Variants in DDX42 observed in about 807,000 individuals in gnomAD.
The protein encoded by DDX42 is DEAD-box helicase 42.
A neutral mutation model predicts 101.5 loss-of-function variants in DDX42; 22 were observed. That is an observed-to-expected ratio of 0.22 (90% CI 0.15 to 0.31). The LOEUF (loss-of-function observed/expected upper bound fraction) is 0.31, where lower values mean the gene tolerates loss of function less well. Ranked by LOEUF, DDX42 falls within the 10% of genes least tolerant of loss-of-function variation. DDX42 has a pLI of 1.00. For missense variants in DDX42, 849 were observed against 1,199.9 expected (o/e 0.71, Z 4.32); for synonymous variants, 402 against 401.2 (o/e 1.00, Z -0.02).
At chr17:63,800,313 C>A in intron 5 of DDX42, 155 bp from the exon 6 acceptor site, 1 of 593,688 alleles carries the variant, frequency 1.7e-6, no homozygotes, top group Non-Finnish European at 2.9e-6. Flanking sequence ...CTGAATATTG[C>A]TATTATTAAA....
rs528012681 is a variant in DDX42 at position 63,818,690 on chromosome 17, A to G, written c.*292A>G. The G allele has an allele frequency of 1.7e-5, 6 of 343,554 alleles. No homozygotes were observed. Among genetic ancestry groups the G allele is most frequent in the East Asian group, 5.3e-5 (1 of 18,974 alleles). 21.3% of individuals were successfully genotyped at this position (343,554 alleles called of 1,614,324 possible). A position where few individuals can be genotyped will look rare whatever the true frequency, so the allele number is the denominator to read the frequency against. The stretch of plus-strand genomic sequence containing the variant: ...GGGATAAAGGGTCTTCTAGGGCACA[A>G]AACTCACTCTAGGTTTATATTGTAT... On this transcript the variant is annotated 3_prime_UTR_variant, in exon 18 of 18. Coordinates refer to ENST00000389924, the MANE Select transcript of DDX42 (RefSeq NM_203499.3).
Position 63,807,761 on chromosome 17 carries a change from G to C in DDX42, c.884G>C (p.Gly295Ala). Residue 295 changes from glycine (G) to alanine (A), a missense_variant, in exon 9 of 18, where the codon GGT becomes GCT. This residue lies in a region of DDX42 where 370 missense variants were observed against 608.8 expected (regional missense o/e 0.61). Transcript: ENST00000389924. ...GCATTAAGTGGTAGAGACATGATTG[G>C]TATTGCCAAAACAGGTAGTGGGAAA... Reference protein sequence around the residue: ...PVALSGRDMIGIAKTGSGKTA... With the variant: ...PVALSGRDMIAIAKTGSGKTA... 1 of 1,613,912 alleles carries C rather than the reference G, an allele frequency of 6.2e-7. No individual in the cohort carries two copies. The highest frequency in any genetic ancestry group is 8.5e-7 in the Non-Finnish European group (1 of 1,179,928).
At chr17:63,780,168 T>TG (rs1413656481) in intron 1 of DDX42, among the ~76,000 whole-genome samples, 2 of 152,130 alleles carry the variant, frequency 1.3e-5, no homozygotes, top group Non-Finnish European at 2.9e-5. Flanking sequence ...TGGTGGCACA[T>TG]GCCTGTAATT....
chr17:63,791,491 A>G (rs2039626959), intron 2 of DDX42, among the ~76,000 whole-genome samples: 1 of 151,998 alleles, frequency 6.6e-6, no homozygotes, highest in Non-Finnish European at 1.5e-5. Flanking sequence ...TTGTATTTTT[A>G]GTAGACACAG....
In DDX42 at chr17:63,810,404, T is replaced by C. The variant is rs2039895611; in HGVS notation, c.1253-109T>C. ...CTGTGCCTGGCCTGGGGTTTCTAATTTTCTTAATTCTTACAACTTCTTATG... is the reference window on the plus strand; with the variant it reads ...CTGTGCCTGGCCTGGGGTTTCTAATCTTCTTAATTCTTACAACTTCTTATG... On this transcript the variant is annotated intron_variant, in intron 11 of 17. Transcript: ENST00000389924. 2.5e-6 allele frequency: 3 copies of C among 1,193,034 alleles called. No homozygotes were observed. The East Asian group carries it at 7.7e-5, about 30-fold the overall frequency. 73.9% of individuals were successfully genotyped at this position (1,193,034 alleles called of 1,614,324 possible). A position where few individuals can be genotyped will look rare whatever the true frequency, so the allele number is the denominator to read the frequency against.
intron 3 of DDX42, among the ~76,000 whole-genome samples, chr17:63,795,996 G>A (rs1334342823): frequency 6.6e-6 from 1 of 152,160 alleles, no homozygotes; most frequent in African/African-American, 2.4e-5. Context: ...CGTGTGTCTT[G>A]CAGCATAGTA....
At chr17:63,808,973 G>A (rs145399360) in intron 10 of DDX42, 25 bp downstream of exon 10, 4 of 1,606,944 alleles carry the variant, frequency 2.5e-6, no homozygotes, top group Middle Eastern at 1.7e-4. Context: ...TGTTTAAATG[G>A]CTTCTCAGCC....
chr17:63,815,902 T>G (rs993005231), intron 16 of DDX42: 1 of 269,826 alleles, frequency 3.7e-6, no homozygotes, highest in Non-Finnish European at 7.0e-6. Context: ...AGGAAATTAT[T>G]CTAGATTAGC....
At chr17:63,808,740 G>GT in intron 9 of DDX42, 80 bp from the exon 10 acceptor site, 1 of 1,565,048 alleles carries the variant, frequency 6.4e-7, no homozygotes, top group South Asian at 1.2e-5. Context: ...ATCACATTCT[G>GT]TTTTTCAGAA....
At chr17:63,812,309 C>T in intron 14 of DDX42, 101 bp downstream of exon 14, 3 of 1,442,360 alleles carry the variant, frequency 2.1e-6, no homozygotes, top group South Asian at 1.4e-5. Context: ...GATGGAAAGA[C>T]TGTTGGCCTG....
chr17:63,776,150 G>A (rs1267713519), intron 1 of DDX42: 1 of 152,182 alleles, frequency 6.6e-6, no homozygotes, highest in Non-Finnish European at 1.5e-5. Flanking sequence ...AAGTAATGTG[G>A]CTTATATAAT....
Position 63,810,637 on chromosome 17 carries a change from A to G in DDX42, c.1300+77A>G, listed in dbSNP as rs368611355. 5.1e-5 allele frequency: 72 copies of G among 1,401,246 alleles called. 1 individual carries two copies. In the Middle Eastern group the frequency reaches 5.3e-4, roughly 10 times the overall value. The allele number at this position is 1,401,246 out of a possible 1,614,324, so 86.8% of individuals were successfully genotyped here. Reference sequence around the variant, plus strand: ...ATTTATTTTATAAGCACTCAGAGTTATGGAAGTAAAAATGATCTTGTGTCT... The same window carrying G: ...ATTTATTTTATAAGCACTCAGAGTTGTGGAAGTAAAAATGATCTTGTGTCT... On this transcript the variant is annotated intron_variant, in intron 12 of 17. Coordinates refer to ENST00000389924, the MANE Select transcript of DDX42 (RefSeq NM_203499.3).
At chr17:63,800,701 G>A (rs958730057) in intron 6 of DDX42, 84 bp downstream of exon 6, 2 of 1,515,594 alleles carry the variant, frequency 1.3e-6, no homozygotes, top group Non-Finnish European at 1.8e-6. Context: ...CTCAGTAGTG[G>A]AATACTCTTA....
intron 1 of DDX42, chr17:63,775,246 C>T (rs2039405262): frequency 6.6e-6 from 1 of 152,604 alleles, no homozygotes; most frequent in South Asian, 2.1e-4. Flanking sequence ...GAAAATATAT[C>T]TTCCTGTACC....
At chr17:63,802,417 C>T (rs1310311743) in intron 6 of DDX42, among the ~76,000 whole-genome samples, 1 of 152,178 alleles carries the variant, frequency 6.6e-6, no homozygotes, top group Non-Finnish European at 1.5e-5. Flanking sequence ...TTTCACTGGA[C>T]AAAATCAATG....
In DDX42 at chr17:63,814,692, T is replaced by C. The variant is rs557205554; in HGVS notation, c.1903-871T>C. ...GACATTTGCTTTTTTTTTTTTTTTT[T>C]TTTTTTCTTTTTTCTGAGATGGAGT... On this transcript the variant is annotated intron_variant, in intron 15 of 17. Coordinates refer to ENST00000389924, the MANE Select transcript of DDX42 (RefSeq NM_203499.3). Among the ~76,000 whole-genome samples, 44 of 143,560 alleles carry C rather than the reference T, an allele frequency of 3.1e-4. No individual in the cohort carries two copies. In the East Asian group the frequency reaches 5.2e-3, roughly 17 times the overall value. The allele number at this position is 143,560 out of a possible 152,430, so 94.2% of individuals were successfully genotyped here. A position where few individuals can be genotyped will look rare whatever the true frequency, so the allele number is the denominator to read the frequency against.
At chr17:63,795,457 C>T (rs147856653) in intron 3 of DDX42, among the ~76,000 whole-genome samples, 3 of 152,314 alleles carry the variant, frequency 2.0e-5, no homozygotes, top group African/African-American at 7.2e-5. Flanking sequence ...GATCCTCCTG[C>T]CTCAGCCTCC....
chr17:63,786,513 C>T (rs2039549064), intron 1 of DDX42, among the ~76,000 whole-genome samples: 1 of 152,196 alleles, frequency 6.6e-6, no homozygotes, highest in Admixed American at 6.5e-5. Context: ...TAATCTGGAA[C>T]TCCTGGGTTC....
chr17:63,805,025 A>G, intron 6 of DDX42, 46 bp from the exon 7 acceptor site: 2 of 1,564,618 alleles, frequency 1.3e-6, no homozygotes, highest in Non-Finnish European at 1.7e-6. Flanking sequence ...AACTTACAGA[A>G]TTGACTCTTG....
Sources: allele counts gnomAD v4.1 joint callset (sites outside exome capture counted in the v4.1 genomes callset), GRCh38; gene constraint gnomAD v4.1.1; regional missense constraint gnomAD v4.1.1; transcripts MANE v1.5; gene names NCBI Gene and HGNC (gene_info 2026-07-23, HGNC 2026-07-21).